The following PCDHA9 variants were observed in gnomAD, a reference collection of about 807,000 sequenced individuals.
PCDHA9 encodes protocadherin alpha-9.
Under a neutral mutation model 62.0 loss-of-function variants are expected in PCDHA9, and 62 were observed. The ratio of observed to expected loss-of-function variants is 1.00; its 90% CI spans 0.81 to 1.23. The LOEUF is 1.23. PCDHA9 is among the 50% of genes most tolerant of loss of function. The pLI is 0.00. For synonymous variants in PCDHA9, 557 were observed against 567.6 expected, an observed-to-expected ratio of 0.98 and a Z score of 0.27; for missense variants, 1,205 against 1,249.8, an observed-to-expected ratio of 0.96 and a Z score of 0.54.
intron 1 of PCDHA9, chr5:140,968,053 A>C: frequency 6.2e-7 from 1 of 1,614,154 alleles, no homozygotes; most frequent in Non-Finnish European, 8.5e-7. Flanking sequence ...CACTGGACCG[A>C]GAGCGGGTGG....
chr5:140,952,072 A>G (rs1433517410), intron 1 of PCDHA9, among the ~76,000 whole-genome samples: 1 of 152,112 alleles, frequency 6.6e-6, no homozygotes, highest in Non-Finnish European at 1.5e-5. Context: ...AATAATCTTC[A>G]TTGACTCCAT....
intron 1 of PCDHA9, among the ~76,000 whole-genome samples, chr5:140,888,256 C>A (rs1454353322): frequency 6.6e-6 from 1 of 151,942 alleles, no homozygotes; most frequent in African/African-American, 2.4e-5. Context: ...AGCAGTAGTT[C>A]TTGATAAGAA....
chr5:140,982,609 G>A, intron 3 of PCDHA9, 46 bp downstream of exon 3: 1 of 1,600,864 alleles, frequency 6.2e-7, no homozygotes, highest in East Asian at 2.2e-5. Context: ...TCTGGAAAGT[G>A]ATCAGATGAC....
chr5:140,856,981 C>T lies in PCDHA9; in HGVS notation c.2394+6092C>T, dbSNP rs1554149362. 1.2e-5 allele frequency: 19 copies of T among 1,594,810 alleles called. 1 individual carries two copies. Among genetic ancestry groups the T allele is most frequent in the Non-Finnish European group, 1.5e-5 (18 of 1,164,604 alleles). Reference sequence around the variant, plus strand: ...TAAATGATGCTATTGACTTTGAGGACAGTAACACTTATGAAATTCATGTAG... The same window carrying T: ...TAAATGATGCTATTGACTTTGAGGATAGTAACACTTATGAAATTCATGTAG... On this transcript the variant is annotated intron_variant, in intron 1 of 3. Transcript: ENST00000532602.
intron 3 of PCDHA9, among the ~76,000 whole-genome samples, chr5:140,992,354 A>C (rs996986066): frequency 1.3e-5 from 2 of 152,184 alleles, no homozygotes; most frequent in Non-Finnish European, 2.9e-5. Context: ...TGGAGAGAGG[A>C]GAAAAATGGT....
intron 1 of PCDHA9, among the ~76,000 whole-genome samples, chr5:140,972,133 C>T (rs532498360): frequency 2.0e-5 from 3 of 152,072 alleles, no homozygotes; most frequent in East Asian, 3.9e-4. Flanking sequence ...CAGTGAGTTA[C>T]TACTATTTTT....
chr5:140,848,807 C>G lies in PCDHA9; in HGVS notation c.312C>G (p.Ile104Met). The change falls in exon 1 of 4, where the codon ATC (isoleucine) becomes ATG (methionine). Residue 104 changes from isoleucine (I) to methionine (M), a missense_variant. By Grantham distance (10) the Ile-to-Met change is conservative (BLOSUM62 1). Transcript: ENST00000532602. The part of the protein sequence containing the change: ...ELCGRSAECS[I>M]HLEVIVDRPL... ...GCGGGCGGAGCGCGGAGTGCAGCAT[C>G]CACCTGGAGGTGATCGTAGACAGGC... The G allele has an allele frequency of 6.3e-7, 1 of 1,591,972 alleles. No individual in the cohort carries two copies. The highest frequency in any genetic ancestry group is 2.2e-5 in the East Asian group (1 of 44,798).
At chr5:140,981,537 G>A (rs375537131) in intron 2 of PCDHA9, among the ~76,000 whole-genome samples, 2 of 152,172 alleles carry the variant, frequency 1.3e-5, no homozygotes, top group East Asian at 1.9e-4. Flanking sequence ...TCGTGCCACT[G>A]TACTCCAGCC....
Position 140,951,565 on chromosome 5 carries a change from T to G in PCDHA9, c.2395-27384T>G, listed in dbSNP as rs151148481. Among the ~76,000 whole-genome samples the G allele has an allele frequency of 1.4e-3, 220 of 152,132 alleles. 1 individual carries two copies. Among genetic ancestry groups the G allele is most frequent in the African/African-American group, 4.9e-3 (203 of 41,508 alleles). ...GGACGGGGGGAAGTGCTACGCACTT[T>G]TAAACAACCAGATTTCACGAGATCT... On this transcript the variant is annotated intron_variant, in intron 1 of 3. Transcript: ENST00000532602.
At chr5:140,997,697 T>C (rs2153948518) in intron 3 of PCDHA9, among the ~76,000 whole-genome samples, 1 of 151,394 alleles carries the variant, frequency 6.6e-6, no homozygotes. Flanking sequence ...TGTGTGTGTG[T>C]ATGTTAACAA....
chr5:141,009,771 T>C lies in PCDHA9; in HGVS notation c.2687T>C (p.Ile896Thr), dbSNP rs142720081. 3.1e-5 allele frequency: 50 copies of C among 1,613,964 alleles called. No homozygotes were observed. The highest frequency in any genetic ancestry group is 1.6e-4 in the Middle Eastern group (1 of 6,084). Residue 896 changes from isoleucine (I) to threonine (T), a missense_variant, in exon 4 of 4, where the codon ATC (isoleucine) becomes ACC (threonine). Transcript: ENST00000532602. ...DKFIIPGSPA[I>T]ISIRQEPTNS... ...TTCATTATCCCAGGATCTCCTGCAA[T>C]CATCTCCATCCGGCAGGAGCCTACT...
In PCDHA9 at chr5:140,876,830, C is replaced by T. The variant is rs199585768; in HGVS notation, c.2394+25941C>T. The T allele has an allele frequency of 3.4e-4, 552 of 1,614,204 alleles. 1 individual carries two copies. Among genetic ancestry groups the T allele is most frequent in the South Asian group, 1.5e-3 (138 of 91,090 alleles). On this transcript the variant is annotated intron_variant, in intron 1 of 3. Coordinates refer to ENST00000532602, the MANE Select transcript of PCDHA9 (RefSeq NM_031857.2). ...GTGGCCGACGTGAACGACAATGCGC[C>T]TGCGTTCGCGCAGCCCGAGTACACA...
At chr5:140,905,787 G>A (rs1468265319) in intron 1 of PCDHA9, among the ~76,000 whole-genome samples, 1 of 152,012 alleles carries the variant, frequency 6.6e-6, no homozygotes, top group Non-Finnish European at 1.5e-5. Context: ...TATTAGTCAG[G>A]GTTCTCTAGA....
chr5:140,851,389 T>C, intron 1 of PCDHA9: 1 of 974,212 alleles, frequency 1.0e-6, no homozygotes, highest in Non-Finnish European at 1.2e-6. Flanking sequence ...ACCTTCAGTA[T>C]CTATTATTTT....
chr5:140,903,513 T>C (rs2070347965), intron 1 of PCDHA9, among the ~76,000 whole-genome samples: 2 of 152,216 alleles, frequency 1.3e-5, no homozygotes, highest in South Asian at 2.1e-4. Flanking sequence ...AATAGTTCTA[T>C]TGTGTTGTTC....
At chr5:140,857,653 C>A (rs1466552947) in intron 1 of PCDHA9, 6 of 1,596,508 alleles carry the variant, frequency 3.8e-6, no homozygotes, top group Non-Finnish European at 5.1e-6. Flanking sequence ...TCCAGGTGAG[C>A]GCGCGCGATG....
chr5:140,877,590 G>A (rs996962116), intron 1 of PCDHA9: 20 of 1,613,708 alleles, frequency 1.2e-5, no homozygotes, highest in Admixed American at 1.7e-5. Flanking sequence ...CCATCTGTGC[G>A]GTGTCCAGCC....
At chr5:140,903,229 T>C (rs2153479721) in intron 1 of PCDHA9, among the ~76,000 whole-genome samples, 1 of 152,340 alleles carries the variant, frequency 6.6e-6, no homozygotes, top group South Asian at 2.1e-4. Flanking sequence ...CATCTATTAC[T>C]TTTTGATTTT....
intron 1 of PCDHA9, chr5:140,858,613 T>A (rs953930839): frequency 8.3e-7 from 1 of 1,208,634 alleles, no homozygotes; most frequent in Non-Finnish European, 1.1e-6. Context: ...AATTTTTTTA[T>A]CCTACCCAGT....
Sources: allele counts gnomAD v4.1 joint callset (sites outside exome capture counted in the v4.1 genomes callset), GRCh38; gene constraint gnomAD v4.1.1; transcripts MANE v1.5; gene names NCBI Gene and HGNC (gene_info 2026-07-23, HGNC 2026-07-21).